The following TMTC1 variants were observed in gnomAD, a reference collection of about 807,000 sequenced individuals.
TMTC1 encodes the protein transmembrane O-mannosyltransferase targeting cadherins 1.
A neutral mutation model predicts 104.8 loss-of-function variants in TMTC1; 73 were observed. The observed-to-expected ratio is 0.70, with a 90% CI of 0.58 to 0.85. The LOEUF (loss-of-function observed/expected upper bound fraction) is 0.85. Ranked by LOEUF, TMTC1 falls within the 40% of genes least tolerant of loss-of-function variation. The pLI, the probability that TMTC1 is intolerant of heterozygous loss-of-function variation, is 0.00. For missense variants in TMTC1, 1,035 were observed against 1,096.1 expected (o/e 0.94, Z 0.79); for synonymous variants, 434 against 428.7 (o/e 1.01, Z -0.15).
At chr12:29,516,279 G>A in intron 15 of TMTC1, 70 bp downstream of exon 15, 11 of 1,525,164 alleles carry the variant, frequency 7.2e-6, no homozygotes, top group Non-Finnish European at 8.9e-6. Context: ...ACGCAAACTG[G>A]AGAATCACTT....
intron 1 of TMTC1, among the ~76,000 whole-genome samples, chr12:29,769,700 C>T (rs1943552681): frequency 6.6e-6 from 1 of 152,184 alleles, no homozygotes; most frequent in Non-Finnish European, 1.5e-5. Context: ...GCTTTCCACA[C>T]TAAACCATTC....
chr12:29,743,882 C>T (rs1291623580), intron 5 of TMTC1, among the ~76,000 whole-genome samples: 3 of 152,184 alleles, frequency 2.0e-5, no homozygotes, highest in Non-Finnish European at 4.4e-5. Flanking sequence ...CCCTGCAGCA[C>T]GGTAAGAGCA....
At chr12:29,673,744 C>CTTTTTTTTTTTTTTTTTTT (rs146463669) in intron 5 of TMTC1, among the ~76,000 whole-genome samples, 16 of 95,736 alleles carry the variant, frequency 1.7e-4, no homozygotes, top group Non-Finnish European at 1.9e-4. Flanking sequence ...AGAGGGACTT[C>CTTTTTTTTTTTTTTTTTTT]TTTTTTTTTT....
At chr12:29,743,339 G>C (rs1484672237) in intron 5 of TMTC1, among the ~76,000 whole-genome samples, 2 of 152,092 alleles carry the variant, frequency 1.3e-5, no homozygotes, top group African/African-American at 4.8e-5. Flanking sequence ...TGTAAAATTT[G>C]AGGCATGGTT....
Position 29,683,133 on chromosome 12 carries a change from T to C in TMTC1, c.939-49797A>G, listed in dbSNP as rs78042008. On this transcript the variant is annotated intron_variant, in intron 5 of 17. Transcript: ENST00000539277. ...ACTAAAGAACAGTAAACTCAAAGCATGAACAGATATTAAAACATAGATTCA... is the reference window on the plus strand; with the variant it reads ...ACTAAAGAACAGTAAACTCAAAGCACGAACAGATATTAAAACATAGATTCA... Among the ~76,000 whole-genome samples the C allele has an allele frequency of 5.6e-3, 849 of 152,294 alleles. 5 individuals carry two copies. Among genetic ancestry groups the C allele is most frequent in the Non-Finnish European group, 8.5e-3 (576 of 68,008 alleles).
At chr12:29,769,759 T>C (rs1215262883) in intron 1 of TMTC1, among the ~76,000 whole-genome samples, 1 of 152,186 alleles carries the variant, frequency 6.6e-6, no homozygotes, top group East Asian at 1.9e-4. Flanking sequence ...AAACAGGCAA[T>C]CTCACATCTG....
chr12:29,502,279 C>T lies in TMTC1; in HGVS notation c.*4567G>A, dbSNP rs934582968. ...ACTATATTTGTTTTGAATGTCATTCCTAATATCCTCTAAATTTATTATTTT... is the reference window on the plus strand; with the variant it reads ...ACTATATTTGTTTTGAATGTCATTCTTAATATCCTCTAAATTTATTATTTT... On this transcript the variant is annotated 3_prime_UTR_variant, in exon 18 of 18. Coordinates refer to ENST00000539277, the MANE Select transcript of TMTC1 (RefSeq NM_001193451.2). 3.3e-5 allele frequency: 5 copies of T among 150,964 alleles called. No homozygotes were observed. Among genetic ancestry groups the T allele is most frequent in the Admixed American group, 6.6e-5 (1 of 15,120 alleles). The allele number at this position is 150,964 out of a possible 1,614,324, so 9.4% of individuals were successfully genotyped here. A position where few individuals can be genotyped will look rare whatever the true frequency, so the allele number is the denominator to read the frequency against.
At chr12:29,537,344 G>C (rs1944673754) in intron 10 of TMTC1, among the ~76,000 whole-genome samples, 1 of 152,090 alleles carries the variant, frequency 6.6e-6, no homozygotes, top group Non-Finnish European at 1.5e-5. Context: ...CATTATTAAT[G>C]TATTTCTCAC....
chr12:29,595,787 CAG>C (rs1946390389), intron 7 of TMTC1, among the ~76,000 whole-genome samples: 1 of 152,186 alleles, frequency 6.6e-6, no homozygotes, highest in South Asian at 2.1e-4. Flanking sequence ...AATAAACCAG[CAG>C]AGAGTCTTTG....
chr12:29,729,070 T>G (rs1318646274), intron 5 of TMTC1, among the ~76,000 whole-genome samples: 4 of 151,188 alleles, frequency 2.6e-5, no homozygotes, highest in Non-Finnish European at 4.4e-5. Context: ...GCACAGACTC[T>G]GGAGACAAAC....
At chr12:29,659,520 G>A (rs1054419095) in intron 5 of TMTC1, among the ~76,000 whole-genome samples, 1 of 152,196 alleles carries the variant, frequency 6.6e-6, no homozygotes, top group African/African-American at 2.4e-5. Context: ...AATGGAAGCA[G>A]CCTGAGCCCT....
intron 5 of TMTC1, among the ~76,000 whole-genome samples, chr12:29,642,978 G>T (rs1015112195): frequency 4.6e-5 from 7 of 151,076 alleles, no homozygotes; most frequent in African/African-American, 1.7e-4. Flanking sequence ...TCAAAAAGTG[G>T]GTTAAGGACA....
At chr12:29,625,363 G>A (rs1284523666) in intron 6 of TMTC1, among the ~76,000 whole-genome samples, 1 of 152,156 alleles carries the variant, frequency 6.6e-6, no homozygotes, top group Non-Finnish European at 1.5e-5. Context: ...CTGACTGTAA[G>A]GCCTGATTCC....
intron 5 of TMTC1, among the ~76,000 whole-genome samples, chr12:29,637,473 G>C (rs889357762): frequency 6.6e-6 from 1 of 152,184 alleles, no homozygotes; most frequent in African/African-American, 2.4e-5. Context: ...ATATGGCACA[G>C]AAAGCCAGGA....
intron 9 of TMTC1, among the ~76,000 whole-genome samples, chr12:29,560,907 G>T (rs1465728080): frequency 2.0e-5 from 3 of 152,232 alleles, no homozygotes; most frequent in South Asian, 2.1e-4. Flanking sequence ...GGGAACAAAA[G>T]AAAATGAGTT....
chr12:29,730,862 A>G (rs777169312), intron 5 of TMTC1, among the ~76,000 whole-genome samples: 6 of 152,174 alleles, frequency 3.9e-5, no homozygotes, highest in Non-Finnish European at 5.9e-5. Context: ...AGGCCCTCAC[A>G]TTGTTGGTAT....
At chr12:29,724,213 T>C (rs898809570) in intron 5 of TMTC1, among the ~76,000 whole-genome samples, 1 of 152,224 alleles carries the variant, frequency 6.6e-6, no homozygotes, top group Non-Finnish European at 1.5e-5. Flanking sequence ...AAATATTTCA[T>C]ACACGACAAG....
intron 10 of TMTC1, among the ~76,000 whole-genome samples, chr12:29,549,074 A>G (rs1160778282): frequency 6.8e-6 from 1 of 147,774 alleles, no homozygotes; most frequent in African/African-American, 2.5e-5. Flanking sequence ...ACCCAAGAAA[A>G]ATGAACATAC....
At chr12:29,590,203 T>C (rs1457885622) in intron 7 of TMTC1, among the ~76,000 whole-genome samples, 1 of 151,960 alleles carries the variant, frequency 6.6e-6, no homozygotes, top group Non-Finnish European at 1.5e-5. Context: ...AAAACCTTTA[T>C]CTGAGGAATG....
Sources: allele counts gnomAD v4.1 joint callset (sites outside exome capture counted in the v4.1 genomes callset), GRCh38; gene constraint gnomAD v4.1.1; transcripts MANE v1.5; gene names NCBI Gene and HGNC (gene_info 2026-07-23, HGNC 2026-07-21).